AUTS2: variants seen among roughly 807,000 people sequenced by gnomAD.
AUTS2 encodes activator of transcription and developmental regulator AUTS2.
In AUTS2, 17 loss-of-function variants were observed where a neutral mutation model predicts 112.4. The ratio of observed to expected loss-of-function variants is 0.15; its 90% CI spans 0.10 to 0.23. AUTS2 has a LOEUF of 0.23. AUTS2 is among the 10% of genes least tolerant of loss of function. AUTS2 has a pLI of 1.00. For missense variants in AUTS2, 1,510 were observed against 1,701.6 expected, an observed-to-expected ratio of 0.89 and a Z score of 1.98; for synonymous variants, 751 against 702.7, an observed-to-expected ratio of 1.07 and a Z score of -1.09.
intron 4 of AUTS2, among the ~76,000 whole-genome samples, chr7:70,422,790 T>A (rs933373830): frequency 2.6e-5 from 4 of 151,818 alleles, no homozygotes; most frequent in Middle Eastern, 3.2e-3. Flanking sequence ...AAAAAAAAAT[T>A]ATACCCATCT....
At chr7:69,664,299 G>A (rs576562583) in intron 1 of AUTS2, among the ~76,000 whole-genome samples, 1 of 152,248 alleles carries the variant, frequency 6.6e-6, no homozygotes, top group African/African-American at 2.4e-5. Flanking sequence ...AAACCAGATG[G>A]ACTAACTGTA....
intron 4 of AUTS2, among the ~76,000 whole-genome samples, chr7:70,340,403 A>G (rs556595272): frequency 3.3e-5 from 5 of 152,168 alleles, no homozygotes; most frequent in African/African-American, 9.6e-5. Context: ...GAAACTGTTA[A>G]CTGAAAGATC....
At chr7:69,675,655 C>T (rs963032665) in intron 1 of AUTS2, among the ~76,000 whole-genome samples, 14 of 151,664 alleles carry the variant, frequency 9.2e-5, no homozygotes, top group Non-Finnish European at 1.2e-4. Flanking sequence ...TACAGGTGTG[C>T]GCCACCACAC....
At chr7:70,492,109 T>G (rs1301299095) in intron 5 of AUTS2, among the ~76,000 whole-genome samples, 1 of 152,098 alleles carries the variant, frequency 6.6e-6, no homozygotes, top group Non-Finnish European at 1.5e-5. Context: ...GAGACCTGCC[T>G]GCCTCACTGC....
Position 70,791,019 on chromosome 7 carries a change from A to G in AUTS2, c.*23A>G, listed in dbSNP as rs1791917622. On this transcript the variant is annotated 3_prime_UTR_variant, in exon 19 of 19. Transcript: ENST00000342771. ...TAAGCCGAGAACAGGAGCAAGAACGAGGAAGAAGAAACCCTAGGCAGACAC... is the reference window on the plus strand; with the variant it reads ...TAAGCCGAGAACAGGAGCAAGAACGGGGAAGAAGAAACCCTAGGCAGACAC... 1.4e-6 allele frequency: 2 copies of G among 1,475,880 alleles called. No individual in the cohort carries two copies. The highest frequency in any genetic ancestry group is 1.4e-5 in the African/African-American group (1 of 70,878). The allele number at this position is 1,475,880 out of a possible 1,614,324, so 91.4% of individuals were successfully genotyped here. A position where few individuals can be genotyped will look rare whatever the true frequency, so the allele number is the denominator to read the frequency against.
chr7:69,942,494 T>A (rs1267604367), intron 2 of AUTS2, among the ~76,000 whole-genome samples: 1 of 152,188 alleles, frequency 6.6e-6, no homozygotes, highest in Non-Finnish European at 1.5e-5. Context: ...AAGTTGAAGC[T>A]ATAGGACTAA....
rs572154501 is a variant in AUTS2 at position 70,755,851 on chromosome 7, ATACTT to A, written c.743-7014_743-7010del. 6.3e-4 allele frequency among the ~76,000 whole-genome samples: 96 copies of A among 152,116 alleles called. 1 individual carries two copies. In the Middle Eastern group the frequency reaches 0.01, roughly 16 times the overall value. Reference sequence around the variant, plus strand: ...TTACTTTAATAAAAATTTAATAAGTATACTTTACTAATTACAGTAAATAATACTAT... The same window carrying A: ...TTACTTTAATAAAAATTTAATAAGTATACTAATTACAGTAAATAATACTAT... On this transcript the variant is annotated intron_variant, in intron 6 of 18. Coordinates refer to ENST00000342771, the MANE Select transcript of AUTS2 (RefSeq NM_015570.4).
intron 5 of AUTS2, among the ~76,000 whole-genome samples, chr7:70,500,668 A>C (rs762363351): frequency 6.6e-6 from 1 of 152,012 alleles, no homozygotes; most frequent in African/African-American, 2.4e-5. Flanking sequence ...GCTTAGAGAA[A>C]TGCTTAGCCT....
At chr7:70,563,814 A>G (rs368727354) in intron 5 of AUTS2, among the ~76,000 whole-genome samples, 3 of 152,214 alleles carry the variant, frequency 2.0e-5, no homozygotes, top group African/African-American at 7.2e-5. Flanking sequence ...TGCCCTTAAA[A>G]TGCTAATTAT....
intron 4 of AUTS2, among the ~76,000 whole-genome samples, chr7:70,342,344 G>A (rs979227771): frequency 2.0e-5 from 3 of 151,256 alleles, no homozygotes; most frequent in African/African-American, 7.3e-5. Flanking sequence ...TTTGCGGGGG[G>A]GAAGTCGCTT....
chr7:69,703,246 T>G (rs1354653353), intron 1 of AUTS2, among the ~76,000 whole-genome samples: 1 of 152,140 alleles, frequency 6.6e-6, no homozygotes, highest in Non-Finnish European at 1.5e-5. Context: ...TTTGCTGCTG[T>G]GCAAACCCAG....
chr7:70,644,462 A>AC (rs1465784713), intron 5 of AUTS2, among the ~76,000 whole-genome samples: 1 of 152,128 alleles, frequency 6.6e-6, no homozygotes, highest in African/African-American at 2.4e-5. Flanking sequence ...AACAGCAGCC[A>AC]CGTTTGACTG....
chr7:70,289,134 A>G (rs1788596161), intron 4 of AUTS2, among the ~76,000 whole-genome samples: 2 of 152,200 alleles, frequency 1.3e-5, no homozygotes, highest in African/African-American at 2.4e-5. Context: ...GAAGCTTAAT[A>G]TATTCCAAAC....
chr7:70,196,608 C>T (rs1198876641), intron 4 of AUTS2, among the ~76,000 whole-genome samples: 1 of 152,192 alleles, frequency 6.6e-6, no homozygotes, highest in Non-Finnish European at 1.5e-5. Flanking sequence ...ATGGCAGCAT[C>T]TATAGGGACA....
At chr7:70,027,822 T>A (rs1800588374) in intron 2 of AUTS2, among the ~76,000 whole-genome samples, 1 of 152,232 alleles carries the variant, frequency 6.6e-6, no homozygotes, top group African/African-American at 2.4e-5. Flanking sequence ...TATGGGAAAT[T>A]GTGTTCTCTT....
chr7:70,692,329 C>T (rs1808796955), intron 5 of AUTS2, among the ~76,000 whole-genome samples: 2 of 152,228 alleles, frequency 1.3e-5, no homozygotes, highest in Non-Finnish European at 2.9e-5. Context: ...AGTTTCTTCC[C>T]TGTAACACCG....
At chr7:70,604,657 A>G (rs1338051912) in intron 5 of AUTS2, among the ~76,000 whole-genome samples, 3 of 152,228 alleles carry the variant, frequency 2.0e-5, no homozygotes, top group Non-Finnish European at 4.4e-5. Flanking sequence ...AGCCCACTCC[A>G]CTATCCCTGC....
At chr7:69,980,471 ACTT>A (rs1322893887) in intron 2 of AUTS2, among the ~76,000 whole-genome samples, 2 of 152,170 alleles carry the variant, frequency 1.3e-5, no homozygotes, top group Admixed American at 6.5e-5. Flanking sequence ...CATTCACTGT[ACTT>A]CTTAGGCCAA....
intron 1 of AUTS2, among the ~76,000 whole-genome samples, chr7:69,785,913 C>T (rs1789349704): frequency 6.6e-6 from 1 of 152,150 alleles, no homozygotes; most frequent in African/African-American, 2.4e-5. Context: ...TTACTGCAAC[C>T]CTTGTCTCCC....
Sources: allele counts gnomAD v4.1 joint callset (sites outside exome capture counted in the v4.1 genomes callset), GRCh38; gene constraint gnomAD v4.1.1; transcripts MANE v1.5; gene names NCBI Gene and HGNC (gene_info 2026-07-23, HGNC 2026-07-21).